Variants in GPC6 observed in about 807,000 individuals in gnomAD.
GPC6 encodes the protein glypican-6.
In GPC6, 14 loss-of-function variants were observed where a neutral mutation model predicts 55.2. That is an observed-to-expected ratio of 0.25 (90% confidence interval 0.17 to 0.40). GPC6 has a LOEUF of 0.40. Among genes scored for constraint, GPC6 ranks in the 10% least tolerant of loss-of-function variants. GPC6 has a pLI of 1.00. For missense variants in GPC6, 641 were observed against 708.5 expected (o/e 0.90, Z 1.08); for synonymous variants, 278 against 259.6 (o/e 1.07, Z -0.68).
chr13:93,876,517 A>G (rs1254141963), intron 3 of GPC6, among the ~76,000 whole-genome samples: 3 of 152,052 alleles, frequency 2.0e-5, no homozygotes, highest in African/African-American at 7.2e-5. Flanking sequence ...GAGGGCACGG[A>G]ATACTTTTTG....
At chr13:94,146,641 A>G (rs1459964237) in intron 4 of GPC6, among the ~76,000 whole-genome samples, 1 of 152,166 alleles carries the variant, frequency 6.6e-6, no homozygotes, top group Non-Finnish European at 1.5e-5. Context: ...TTACTGAACC[A>G]GGATCATAAA....
intron 1 of GPC6, among the ~76,000 whole-genome samples, chr13:93,334,388 A>G (rs1879970820): frequency 6.6e-6 from 1 of 152,140 alleles, no homozygotes; most frequent in African/African-American, 2.4e-5. Flanking sequence ...ACCCCTGCTA[A>G]GATTTTGTTT....
intron 6 of GPC6, among the ~76,000 whole-genome samples, chr13:94,371,034 G>T (rs1335426795): frequency 6.6e-6 from 1 of 152,174 alleles, no homozygotes; most frequent in African/African-American, 2.4e-5. Context: ...TCCATTGAAT[G>T]AGTTAGTTAA....
intron 4 of GPC6, among the ~76,000 whole-genome samples, chr13:94,240,823 T>G (rs1444307280): frequency 5.3e-5 from 8 of 152,048 alleles, no homozygotes; most frequent in Admixed American, 3.3e-4. Flanking sequence ...AGCAGGTCTT[T>G]TAGGCACCTG....
chr13:93,227,285 G>C lies in GPC6; in HGVS notation c.-172G>C. The C allele has an allele frequency of 3.5e-6, 2 of 575,526 alleles. No homozygotes were observed. The highest frequency in any genetic ancestry group is 6.1e-6 in the Non-Finnish European group (2 of 327,308). 35.7% of individuals were successfully genotyped at this position (575,526 alleles called of 1,614,324 possible). ...TCGTCCATCTGGCTTATAAAAGTTT[G>C]CTGAGCGCAGTCCAGAGGGCTGCGC... On this transcript the variant is annotated 5_prime_UTR_variant, in exon 1 of 9. Coordinates refer to ENST00000377047, the MANE Select transcript of GPC6 (RefSeq NM_005708.5). The surrounding 1 kb of genome is among the most constrained non-coding windows in gnomAD (Gnocchi z 4.3).
At chr13:93,674,682 GAC>G (rs1444210420) in intron 2 of GPC6, among the ~76,000 whole-genome samples, 2 of 152,172 alleles carry the variant, frequency 1.3e-5, no homozygotes, top group Non-Finnish European at 2.9e-5. Flanking sequence ...GAGTGTTGGA[GAC>G]ATACATGCTG....
intron 1 of GPC6, among the ~76,000 whole-genome samples, chr13:93,361,566 G>T (rs80338378): frequency 2.6e-5 from 4 of 152,002 alleles, no homozygotes; most frequent in Admixed American, 2.6e-4. Context: ...ATTTAAAAAC[G>T]TGTATTTTCT....
At chr13:94,196,987 T>C (rs892356651) in intron 4 of GPC6, among the ~76,000 whole-genome samples, 3 of 152,198 alleles carry the variant, frequency 2.0e-5, no homozygotes, top group Admixed American at 6.5e-5. Context: ...GGAATAAATA[T>C]ATTTGTTGGC....
At chr13:94,145,241 A>G (rs1887521283) in intron 4 of GPC6, among the ~76,000 whole-genome samples, 2 of 152,126 alleles carry the variant, frequency 1.3e-5, no homozygotes, top group Non-Finnish European at 2.9e-5. Context: ...CTAACATTCT[A>G]TATAAAGCAC....
At chr13:93,819,092 A>G (rs1447937642) in intron 2 of GPC6, among the ~76,000 whole-genome samples, 1 of 152,202 alleles carries the variant, frequency 6.6e-6, no homozygotes, top group Non-Finnish European at 1.5e-5. Flanking sequence ...AGTGATTTTA[A>G]TGGGCACCCT....
intron 3 of GPC6, among the ~76,000 whole-genome samples, chr13:93,949,117 G>A (rs1344874153): frequency 2.0e-5 from 3 of 151,962 alleles, no homozygotes; most frequent in Admixed American, 6.6e-5. Context: ...CAGTGGCAAA[G>A]GCACTCTCCC....
intron 2 of GPC6, among the ~76,000 whole-genome samples, chr13:93,593,443 T>G (rs1342698575): frequency 6.6e-6 from 1 of 152,122 alleles, no homozygotes; most frequent in Admixed American, 6.6e-5. Flanking sequence ...AAACTAACAG[T>G]TCAAGCTTCA....
intron 1 of GPC6, among the ~76,000 whole-genome samples, chr13:93,231,409 A>ATG (rs1421650560): frequency 0.034 from 1,250 of 36,718 alleles, 22 homozygotes; most frequent in Non-Finnish European, 0.05. Context: ...ATATATATAT[A>ATG]TATATATATA....
intron 3 of GPC6, among the ~76,000 whole-genome samples, chr13:94,027,321 G>C (rs1882938514): frequency 6.6e-6 from 1 of 152,110 alleles, no homozygotes. Flanking sequence ...TATGTACAAA[G>C]GAAATATATC....
rs1886390475 is a variant in GPC6, at chr13:94,115,108, T to C, written c.877+87214T>C. Among the ~76,000 whole-genome samples the C allele has an allele frequency of 3.3e-5, 5 of 152,244 alleles. No individual in the cohort carries two copies. The South Asian group carries it at 1.0e-3, about 32-fold the overall frequency. ...TGATTTCAACTGAGAAAATAGAAAGTGTACAAGTGCTCTCCAAGGAAACCA... is the reference window on the plus strand; with the variant it reads ...TGATTTCAACTGAGAAAATAGAAAGCGTACAAGTGCTCTCCAAGGAAACCA... On this transcript the variant is annotated intron_variant, in intron 4 of 8. Coordinates refer to ENST00000377047, the MANE Select transcript of GPC6 (RefSeq NM_005708.5).
chr13:93,220,575 G>A, the GPC6 span, among the ~76,000 whole-genome samples: 1 of 152,162 alleles, frequency 6.6e-6, no homozygotes, highest in Admixed American at 6.5e-5. Context: ...AAAAATGTGT[G>A]AGCTTCAAAT....
intron 1 of GPC6, among the ~76,000 whole-genome samples, chr13:93,322,816 T>G (rs1879504650): frequency 6.6e-6 from 1 of 152,100 alleles, no homozygotes; most frequent in African/African-American, 2.4e-5. Context: ...TACTTTAAGT[T>G]CTGGGGTATA....
At position 93,747,505 on chromosome 13, in the gene GPC6, C is replaced by T. The variant is rs561953441; in HGVS notation, c.320-82649C>T. 2.0e-5 allele frequency among the ~76,000 whole-genome samples: 3 copies of T among 152,354 alleles called. No individual in the cohort carries two copies. The East Asian group carries it at 5.8e-4, about 29-fold the overall frequency. ...GAAATTGATGGCCCTGTCGCTGTCGCATTCCCATCATCCAGCAATTAATTT... is the reference window on the plus strand; with the variant it reads ...GAAATTGATGGCCCTGTCGCTGTCGTATTCCCATCATCCAGCAATTAATTT... On this transcript the variant is annotated intron_variant, in intron 2 of 8. Transcript: ENST00000377047.
chr13:93,334,192 C>T (rs1696134059), intron 1 of GPC6, among the ~76,000 whole-genome samples: 1 of 151,940 alleles, frequency 6.6e-6, no homozygotes, highest in South Asian at 2.1e-4. Flanking sequence ...CTTATATATG[C>T]CTGTTTGTTT....
Sources: allele counts gnomAD v4.1 joint callset (sites outside exome capture counted in the v4.1 genomes callset), GRCh38; gene constraint gnomAD v4.1.1; non-coding constraint Gnocchi (gnomAD v3.1); transcripts MANE v1.5; gene names NCBI Gene and HGNC (gene_info 2026-07-23, HGNC 2026-07-21).